DYM: variants seen among roughly 807,000 people sequenced by gnomAD.
The protein encoded by DYM is dymeclin.
In DYM, 78 loss-of-function variants were observed where a neutral mutation model predicts 93.1. The ratio of observed to expected loss-of-function variants is 0.84; its 90% CI spans 0.70 to 1.01. The LOEUF is 1.01. Among genes scored for constraint, DYM ranks in the 50% least tolerant of loss-of-function variants. The pLI, the probability that DYM is intolerant of heterozygous loss-of-function variation, is 0.00. For synonymous variants in DYM, 321 were observed against 319.7 expected (o/e 1.00, Z -0.04); for missense variants, 789 against 845.0 (o/e 0.93, Z 0.82).
intron 16 of DYM, among the ~76,000 whole-genome samples, chr18:49,110,419 T>A (rs1330852862): frequency 6.6e-6 from 1 of 152,174 alleles, no homozygotes; most frequent in Non-Finnish European, 1.5e-5. Flanking sequence ...AGCAGTAAGT[T>A]CTCTCAGTTT....
At chr18:49,227,376 G>C (rs1184299164) in intron 13 of DYM, among the ~76,000 whole-genome samples, 4 of 152,116 alleles carry the variant, frequency 2.6e-5, no homozygotes, top group Non-Finnish European at 5.9e-5. Flanking sequence ...TTCTATAGCA[G>C]AGCAGTAAAA....
rs982986599 is a variant in DYM at position 49,450,205 on chromosome 18, T to C, written c.-54+10193A>G. ...ATATGGTCTTTTCCTAAATTGAGCA[T>C]TGAAAGAAAAACACGGCAAGGCTGT... On this transcript the variant is annotated intron_variant, in intron 1 of 17. Transcript: ENST00000675505. 2.6e-5 allele frequency among the ~76,000 whole-genome samples: 4 copies of C among 152,184 alleles called. No homozygotes were observed. The East Asian group carries it at 7.7e-4, about 29-fold the overall frequency.
Position 49,313,188 on chromosome 18 carries a change from G to A in DYM, c.763+18676C>T, listed in dbSNP as rs116051862. 3.7e-3 allele frequency among the ~76,000 whole-genome samples: 559 copies of A among 152,118 alleles called. 7 individuals carry two copies. The highest frequency in any genetic ancestry group is 0.012 in the African/African-American group (513 of 41,498). The stretch of plus-strand genomic sequence containing the variant: ...CTGATAAAACAGGTTGCAGTAGGCC[G>A]GGCATGGTGGCTCATGCCTGTAATC... On this transcript the variant is annotated intron_variant, in intron 8 of 17. Transcript: ENST00000675505.
intron 16 of DYM, among the ~76,000 whole-genome samples, chr18:49,109,222 T>C (rs1313622109): frequency 6.9e-6 from 1 of 144,694 alleles, no homozygotes; most frequent in Non-Finnish European, 1.5e-5. Flanking sequence ...ATTATTGGCA[T>C]GTAGGATTTA....
intron 15 of DYM, among the ~76,000 whole-genome samples, chr18:49,130,571 C>T (rs1419347969): frequency 9.6e-5 from 3 of 31,350 alleles, no homozygotes; most frequent in East Asian, 4.4e-4. Context: ...TTTACTAAAA[C>T]AATTTTTTTT....
chr18:49,046,168 C>T (rs1341806490), intron 17 of DYM, among the ~76,000 whole-genome samples: 1 of 151,140 alleles, frequency 6.6e-6, no homozygotes, highest in African/African-American at 2.4e-5. Context: ...GAGGCACGCA[C>T]ACACAGATAA....
At chr18:49,354,596 C>T (rs968734517) in intron 6 of DYM, among the ~76,000 whole-genome samples, 4 of 151,986 alleles carry the variant, frequency 2.6e-5, no homozygotes, top group Non-Finnish European at 4.4e-5. Context: ...TCAGCAAGAA[C>T]ACAACCCAAT....
intron 13 of DYM, among the ~76,000 whole-genome samples, chr18:49,215,978 A>G (rs934711620): frequency 1.3e-5 from 2 of 152,208 alleles, no homozygotes; most frequent in Admixed American, 1.3e-4. Flanking sequence ...GCAAGGGGTC[A>G]GGGAGTTCCC....
At chr18:49,301,697 C>CTAAGCATACT (rs540932250) in intron 8 of DYM, among the ~76,000 whole-genome samples, 25 of 152,154 alleles carry the variant, frequency 1.6e-4, no homozygotes, top group Non-Finnish European at 3.2e-4. Context: ...AATAAGCATA[C>CTAAGCATACT]ACTAACACTA....
At chr18:49,057,685 G>T (rs2075619080) in intron 17 of DYM, among the ~76,000 whole-genome samples, 1 of 152,190 alleles carries the variant, frequency 6.6e-6, no homozygotes, top group African/African-American at 2.4e-5. Flanking sequence ...GCTCCCCATG[G>T]CAACTGTCGC....
chr18:49,224,612 C>G (rs939174794), intron 13 of DYM, among the ~76,000 whole-genome samples: 3 of 151,830 alleles, frequency 2.0e-5, no homozygotes, highest in Non-Finnish European at 4.4e-5. Context: ...TACAAGAGTC[C>G]GAGAGAGCTT....
At chr18:49,302,799 TTGCATCCA>T (rs2061023037) in intron 8 of DYM, among the ~76,000 whole-genome samples, 1 of 152,186 alleles carries the variant, frequency 6.6e-6, no homozygotes, top group Non-Finnish European at 1.5e-5. Flanking sequence ...CTACGCAGAT[TTGCATCCA>T]TGCTGTTCCA....
At chr18:49,050,277 G>T (rs112607702) in intron 17 of DYM, among the ~76,000 whole-genome samples, 2,535 of 151,706 alleles carry the variant, frequency 0.017, 70 homozygotes, top group African/African-American at 0.057. Context: ...TTTTAGTAGA[G>T]ACGGGGTTTC....
chr18:49,057,093 T>C (rs1042211881), intron 17 of DYM, among the ~76,000 whole-genome samples: 2 of 152,218 alleles, frequency 1.3e-5, no homozygotes, highest in African/African-American at 2.4e-5. Context: ...ATATCCAAAA[T>C]AGGGTCTTGA....
chr18:49,424,882 C>G lies in DYM; in HGVS notation c.140+5373G>C, dbSNP rs528226602. ...AGGAGAATTACAAACCACTGCTCAA[C>G]GAAATAAAAGAGGACACAAACAAAT... On this transcript the variant is annotated intron_variant, in intron 2 of 17. Transcript: ENST00000675505. Among the ~76,000 whole-genome samples, 53 of 152,016 alleles carry G rather than the reference C, an allele frequency of 3.5e-4. No homozygotes were observed. The East Asian group carries it at 7.0e-3, about 20-fold the overall frequency.
Position 49,399,941 on chromosome 18 carries a change from T to C in DYM, c.141-8296A>G, listed in dbSNP as rs1300330541. Among the ~76,000 whole-genome samples the C allele has an allele frequency of 3.9e-3, 488 of 124,420 alleles. 2 individuals carry two copies. The highest frequency in any genetic ancestry group is 0.014 in the African/African-American group (408 of 29,124). The allele number at this position is 124,420 out of a possible 152,430, so 81.6% of individuals were successfully genotyped here. ...ACATTTATTTTTATTTTTCTTTTTT[T>C]TTTTTTTTTTTTTTTTTTGAGACGG... On this transcript the variant is annotated intron_variant, in intron 2 of 17. Coordinates refer to ENST00000675505, the MANE Select transcript of DYM (RefSeq NM_001353214.3).
chr18:49,437,036 G>C (rs1292297539), intron 1 of DYM, among the ~76,000 whole-genome samples: 2 of 152,138 alleles, frequency 1.3e-5, no homozygotes, highest in Non-Finnish European at 2.9e-5. Context: ...TACTATCAAA[G>C]AGTCTACTAA....
At chr18:49,336,213 T>C (rs1488700611) in intron 6 of DYM, among the ~76,000 whole-genome samples, 1 of 152,222 alleles carries the variant, frequency 6.6e-6, no homozygotes. Flanking sequence ...ACAAATTGTT[T>C]TACTAAATTG....
At chr18:49,397,580 C>T (rs1050220888) in intron 2 of DYM, among the ~76,000 whole-genome samples, 1 of 152,196 alleles carries the variant, frequency 6.6e-6, no homozygotes, top group African/African-American at 2.4e-5. Flanking sequence ...GCTTTAAAAC[C>T]CATACCCCTC....
Sources: gnomAD v4.1 joint callset for allele counts (sites outside exome capture counted in the v4.1 genomes callset) on GRCh38, gnomAD v4.1.1 for gene constraint, MANE v1.5 for transcripts, NCBI Gene and HGNC (gene_info 2026-07-23, HGNC 2026-07-21) for gene names.